ADGB: variants seen among roughly 807,000 people sequenced by gnomAD.
ADGB encodes the protein calpain-7-like protein.
Under a neutral mutation model 210.5 loss-of-function variants are expected in ADGB, and 172 were observed. The ratio of observed to expected loss-of-function variants is 0.82; its 90% CI spans 0.72 to 0.93. The LOEUF (loss-of-function observed/expected upper bound fraction) is 0.93. Among genes scored for constraint, ADGB ranks in the 40% least tolerant of loss-of-function variants. The pLI is 0.00. For missense variants in ADGB, 2,025 were observed against 1,964.8 expected (o/e 1.03, Z -0.58); for synonymous variants, 658 against 662.7 (o/e 0.99, Z 0.11).
intron 1 of ADGB, among the ~76,000 whole-genome samples, chr6:146,599,567 C>T (rs555200516): frequency 1.3e-5 from 2 of 152,312 alleles, no homozygotes; most frequent in South Asian, 2.1e-4. Flanking sequence ...CCCAGTCCAA[C>T]GACTACGATC....
intron 1 of ADGB, among the ~76,000 whole-genome samples, chr6:146,629,293 C>G (rs1274982897): frequency 6.6e-6 from 1 of 152,134 alleles, no homozygotes; most frequent in Non-Finnish European, 1.5e-5. Flanking sequence ...CAGGAGTTTA[C>G]GTGGTCATTT....
In ADGB at chr6:146,733,171, C is replaced by T. The variant is rs1281508658; in HGVS notation, c.2572C>T (p.Pro858Ser). The T allele has an allele frequency of 1.9e-6, 3 of 1,539,422 alleles. No individual in the cohort carries two copies. The highest frequency in any genetic ancestry group is 1.4e-5 in the African/African-American group (1 of 72,732). The change falls in exon 21 of 36, where the codon CCT becomes TCT. Residue 858 changes from proline (P) to serine (S), a missense_variant. By Grantham distance (74) the Pro-to-Ser change is moderately conservative. Coordinates refer to ENST00000397944, the MANE Select transcript of ADGB (RefSeq NM_024694.4). ...RLMKKVQITKPPPNFKFAFRA... is the reference protein window; with the variant it reads ...RLMKKVQITKSPPNFKFAFRA... Reference sequence around the variant, plus strand: ...AATGAAAAAAGTTCAAATAACAAAACCTCCTCCAAACTTCAAATTTGCATT... The same window carrying T: ...AATGAAAAAAGTTCAAATAACAAAATCTCCTCCAAACTTCAAATTTGCATT...
intron 2 of ADGB, among the ~76,000 whole-genome samples, chr6:146,641,933 A>G (rs987596687): frequency 6.6e-6 from 1 of 152,178 alleles, no homozygotes; most frequent in Non-Finnish European, 1.5e-5. Context: ...GAGCTTCTGC[A>G]CAGCAAAAGA....
rs2114858942 is a variant in ADGB at position 146,635,413 on chromosome 6, C to T, written c.113C>T (p.Thr38Ile). The T allele has an allele frequency of 6.5e-7, 1 of 1,546,244 alleles. No homozygotes were observed. The highest frequency in any genetic ancestry group is 8.7e-7 in the Non-Finnish European group (1 of 1,144,212). Residue 38 changes from threonine to isoleucine, a missense_variant, in exon 2 of 36, where the codon ACT becomes ATT. Coordinates refer to ENST00000397944, the MANE Select transcript of ADGB (RefSeq NM_024694.4). ...PFGSNVQSGS[T>I]EQKKGKFPLW... ...GGCAGTAATGTACAATCTGGTTCTACTGAACAAAAGAAGGGGAAATTCCCA... is the reference window on the plus strand; with the variant it reads ...GGCAGTAATGTACAATCTGGTTCTATTGAACAAAAGAAGGGGAAATTCCCA...
In ADGB at chr6:146,692,852, T is replaced by C. The variant is rs1350893299; in HGVS notation, c.1514T>C (p.Phe505Ser). The C allele has an allele frequency of 1.3e-6, 2 of 1,540,530 alleles. No homozygotes were observed. The highest frequency in any genetic ancestry group is 2.7e-5 in the African/African-American group (2 of 72,740). The change falls in exon 12 of 36, where the codon TTC (phenylalanine) becomes TCC (serine). Residue 505 changes from phenylalanine to serine, a missense_variant. By Grantham distance (155) the Phe-to-Ser change is radical. Coordinates refer to ENST00000397944, the MANE Select transcript of ADGB (RefSeq NM_024694.4). ...QELIVKKPER[F>S]LEISSPFLNY... The stretch of plus-strand genomic sequence containing the variant: ...TTAATAGTAAAGAAGCCTGAACGGT[T>C]CCTTGAGATTTCAAGTCCATTTTTG...
chr6:146,768,681 G>A lies in ADGB; in HGVS notation c.3751-339G>A, dbSNP rs1187028458. Among the ~76,000 whole-genome samples the A allele has an allele frequency of 2.0e-5, 3 of 152,068 alleles. No individual in the cohort carries two copies. In the East Asian group the frequency reaches 5.8e-4, roughly 29 times the overall value. Reference sequence around the variant, plus strand: ...TTCTGTGTCATGATCACAAAGAAGAGAAAACCCTAAAGGCCAACAGCTTTG... The same window carrying A: ...TTCTGTGTCATGATCACAAAGAAGAAAAAACCCTAAAGGCCAACAGCTTTG... On this transcript the variant is annotated intron_variant, in intron 28 of 35. Transcript: ENST00000397944.
chr6:146,678,497 G>T, intron 9 of ADGB, among the ~76,000 whole-genome samples: 1 of 152,164 alleles, frequency 6.6e-6, no homozygotes, highest in Non-Finnish European at 1.5e-5. Flanking sequence ...AAAGTGCTGG[G>T]ACTATAGGCA....
rs186038474 is a variant in ADGB, at chr6:146,721,015, C to G, written c.1993-388C>G. ...AGACATCCAATTGGCCATTCCCATT[C>G]TCTGCCAAAGTTTCTTACTCTATGG... On this transcript the variant is annotated intron_variant, in intron 16 of 35. Coordinates refer to ENST00000397944, the MANE Select transcript of ADGB (RefSeq NM_024694.4). Among the ~76,000 whole-genome samples the G allele has an allele frequency of 2.5e-3, 387 of 152,322 alleles. 3 individuals carry two copies. The highest frequency in any genetic ancestry group is 9.0e-3 in the African/African-American group (374 of 41,578).
chr6:146,773,248 T>G (rs1777677433), intron 29 of ADGB, among the ~76,000 whole-genome samples: 1 of 149,680 alleles, frequency 6.7e-6, no homozygotes, highest in East Asian at 2.0e-4. Context: ...CAAAAATACA[T>G]AAATGCGTAG....
chr6:146,770,343 T>C, intron 29 of ADGB: 1 of 224,840 alleles, frequency 4.4e-6, no homozygotes, highest in Non-Finnish European at 9.4e-6. Flanking sequence ...CTAGTATGTG[T>C]CTTAAAATTC....
At chr6:146,806,463 TG>T (rs1219666430) in intron 35 of ADGB, among the ~76,000 whole-genome samples, 3 of 152,166 alleles carry the variant, frequency 2.0e-5, no homozygotes, top group Admixed American at 1.3e-4. Flanking sequence ...CTTCTACTTG[TG>T]CAATTGGTTT....
At chr6:146,732,801 A>G (rs1220441920) in intron 20 of ADGB, among the ~76,000 whole-genome samples, 3 of 152,166 alleles carry the variant, frequency 2.0e-5, no homozygotes, top group Non-Finnish European at 2.9e-5. Flanking sequence ...AAAATAAGCT[A>G]TTTAACTTGC....
intron 29 of ADGB, among the ~76,000 whole-genome samples, chr6:146,771,298 T>C (rs996088703): frequency 6.6e-6 from 1 of 152,088 alleles, no homozygotes; most frequent in Non-Finnish European, 1.5e-5. Context: ...GTGTTATGGA[T>C]TATCTACTGC....
chr6:146,788,141 CCCAACTTCTAAAAG>C (rs1777904318), intron 32 of ADGB, among the ~76,000 whole-genome samples: 1 of 152,138 alleles, frequency 6.6e-6, no homozygotes, highest in Non-Finnish European at 1.5e-5. Flanking sequence ...TGTATGCTGT[CCCAACTTCTAAAAG>C]CCTCTATTTT....
chr6:146,634,492 C>T (rs1396702914), intron 1 of ADGB, among the ~76,000 whole-genome samples: 2 of 151,758 alleles, frequency 1.3e-5, no homozygotes, highest in Non-Finnish European at 1.5e-5. Context: ...CCTCACAAGG[C>T]GTTAAAAACT....
intron 13 of ADGB, among the ~76,000 whole-genome samples, chr6:146,713,259 C>A (rs1562280961): frequency 6.6e-6 from 1 of 152,148 alleles, no homozygotes; most frequent in Admixed American, 6.5e-5. Context: ...GCTTTCAATG[C>A]TTTTGGGAAT....
chr6:146,788,551 G>A lies in ADGB; in HGVS notation c.4478G>A (p.Gly1493Glu), dbSNP rs1367584717. ...GCAAAATCCACGAGTAGCGAAAGTGGAGGAGTGTCTTCACCAGGGAAAGAA... is the reference window on the plus strand; with the variant it reads ...GCAAAATCCACGAGTAGCGAAAGTGAAGGAGTGTCTTCACCAGGGAAAGAA... ...DVAKSTSSES[G>E]GVSSPGKEER... Residue 1493 changes from glycine to glutamate, a missense_variant, in exon 33 of 36, where the codon GGA becomes GAA. Coordinates refer to ENST00000397944, the MANE Select transcript of ADGB (RefSeq NM_024694.4). 2 of 1,551,568 alleles carry A rather than the reference G, an allele frequency of 1.3e-6. No homozygotes were observed. The highest frequency in any genetic ancestry group is 1.7e-6 in the Non-Finnish European group (2 of 1,146,930).
intron 13 of ADGB, among the ~76,000 whole-genome samples, chr6:146,703,192 T>G (rs568143572): frequency 3.0e-4 from 45 of 152,036 alleles, no homozygotes; most frequent in African/African-American, 1.1e-3. Flanking sequence ...TTATTCTTTA[T>G]TAGATATGTA....
At chr6:146,698,081 G>C (rs531978580) in intron 12 of ADGB, among the ~76,000 whole-genome samples, 2 of 152,172 alleles carry the variant, frequency 1.3e-5, no homozygotes, top group African/African-American at 4.8e-5. Context: ...GTGGTTATCT[G>C]TGGTGAGGAG....
Sources: gnomAD v4.1 joint callset for allele counts (sites outside exome capture counted in the v4.1 genomes callset) on GRCh38, gnomAD v4.1.1 for gene constraint, MANE v1.5 for transcripts, NCBI Gene and HGNC (gene_info 2026-07-23, HGNC 2026-07-21) for gene names.